Variants in PROB1 observed in about 807,000 individuals in gnomAD.
PROB1 encodes the protein proline rich basic protein 1, also known as proline-rich basic protein 1.
For synonymous variants in PROB1, 660 were observed against 699.3 expected, an observed-to-expected ratio of 0.94 and a Z score of 0.89; for missense variants, 1,453 against 1,485.7, an observed-to-expected ratio of 0.98 and a Z score of 0.36.
Position 139,393,698 on chromosome 5 carries a change from T to G in PROB1, c.1384A>C (p.Asn462His). The change falls in exon 1 of 1, where the codon AAT becomes CAT. Residue 462 changes from asparagine to histidine, a missense_variant. Asn to His is a moderately conservative substitution (Grantham distance 68). Coordinates refer to ENST00000434752, the MANE Select transcript of PROB1 (RefSeq NM_001161546.2). The part of the protein sequence containing the change: ...SPSPPILSQW[N>H]QCVAGERSPS... ...CTCCTTTCCCCAGCAACACACTGAT[T>G]CCACTGGGAAAGGATCGGAGGGGAA... 6.4e-7 allele frequency: 1 copy of G among 1,550,862 alleles called. No homozygotes were observed. Among genetic ancestry groups the G allele is most frequent in the Non-Finnish European group, 8.7e-7 (1 of 1,146,898 alleles).
rs1758610340 is a variant in PROB1, at chr5:139,392,276, C to T, written c.2806G>A (p.Gly936Arg). The change falls in exon 1 of 1, where the codon GGG (glycine) becomes AGG (arginine). Residue 936 changes from glycine (G) to arginine (R), a missense_variant. Transcript: ENST00000434752. The surrounding 1 kb of genome is among the most constrained non-coding windows in gnomAD (Gnocchi z 5.8). ...PHRVYTPLAL[G>R]LGLYPPAYGP... ...TAGGCGGGCGGGTAGAGGCCGAGCCCCAGGGCCAGAGGGGTGTAGACGCGG... is the reference window on the plus strand; with the variant it reads ...TAGGCGGGCGGGTAGAGGCCGAGCCTCAGGGCCAGAGGGGTGTAGACGCGG... The T allele has an allele frequency of 1.3e-6, 2 of 1,509,384 alleles. No homozygotes were observed. Among genetic ancestry groups the T allele is most frequent in the Middle Eastern group, 1.7e-4 (1 of 5,802 alleles). 93.5% of individuals were successfully genotyped at this position (1,509,384 alleles called of 1,614,324 possible). A position where few individuals can be genotyped will look rare whatever the true frequency, so the allele number is the denominator to read the frequency against.
chr5:139,392,351 C>T lies in PROB1; in HGVS notation c.2731G>A (p.Gly911Arg), dbSNP rs758805636. 1.9e-4 allele frequency: 288 copies of T among 1,532,730 alleles called. 1 individual carries two copies. The highest frequency in any genetic ancestry group is 2.5e-4 in the Non-Finnish European group (281 of 1,140,432). 94.9% of individuals were successfully genotyped at this position (1,532,730 alleles called of 1,614,324 possible). ...RLRVLFDPESGQYVEVLLPPS... is the reference protein window; with the variant it reads ...RLRVLFDPESRQYVEVLLPPS... The stretch of plus-strand genomic sequence containing the variant: ...GGCAGCAACACCTCCACGTACTGCC[C>T]ACTCTCAGGGTCGAAGAGCACCCGC... Residue 911 changes from glycine to arginine, a missense_variant, in exon 1 of 1, where the codon GGG becomes AGG. Gly to Arg is a moderately radical substitution (Grantham distance 125, BLOSUM62 -2). Coordinates refer to ENST00000434752, the MANE Select transcript of PROB1 (RefSeq NM_001161546.2). The surrounding 1 kb of genome is among the most constrained non-coding windows in gnomAD (Gnocchi z 5.8).
chr5:139,392,386 TGCCGCGGC>T lies in PROB1; in HGVS notation c.2688_2695del (p.Pro897AlafsTer10). 1 of 1,518,694 alleles carries T rather than the reference TGCCGCGGC, an allele frequency of 6.6e-7. No individual in the cohort carries two copies. Among genetic ancestry groups the T allele is most frequent in the Non-Finnish European group, 8.8e-7 (1 of 1,135,042 alleles). The allele number at this position is 1,518,694 out of a possible 1,614,324, so 94.1% of individuals were successfully genotyped here. A position where few individuals can be genotyped will look rare whatever the true frequency, so the allele number is the denominator to read the frequency against. ...GTCGAAGAGCACCCGCAGCCGAGGC[TGCCGCGGC>T]GCCTCCACAAAGTAGTAGCGGCCGC... On this transcript the variant is annotated frameshift_variant, in exon 1 of 1. Coordinates refer to ENST00000434752, the MANE Select transcript of PROB1 (RefSeq NM_001161546.2). LOFTEE classifies it low-confidence loss of function (END_TRUNC). The surrounding 1 kb of genome is among the most constrained non-coding windows in gnomAD (Gnocchi z 5.8).
Position 139,392,301 on chromosome 5 carries a change from G to T in PROB1, c.2781C>A (p.His927Gln), listed in dbSNP as rs1758611045. 1.6e-5 allele frequency: 24 copies of T among 1,533,794 alleles called. No homozygotes were observed. Among genetic ancestry groups the T allele is most frequent in the Middle Eastern group, 1.7e-4 (1 of 5,932 alleles). The change falls in exon 1 of 1, where the codon CAC (histidine) becomes CAA (glutamine). Residue 927 changes from histidine (H) to glutamine (Q), a missense_variant. Transcript: ENST00000434752. The surrounding 1 kb of genome is among the most constrained non-coding windows in gnomAD (Gnocchi z 5.8). Reference sequence around the variant, plus strand: ...CCAGGGCCAGAGGGGTGTAGACGCGGTGGGGCGGCCCGGGAGACGAGGGCG... The same window carrying T: ...CCAGGGCCAGAGGGGTGTAGACGCGTTGGGGCGGCCCGGGAGACGAGGGCG... The part of the protein sequence containing the change: ...LLPPSSPGPP[H>Q]RVYTPLALGL...
chr5:139,392,399 C>G lies in PROB1; in HGVS notation c.2683G>C (p.Glu895Gln). 8 of 1,518,182 alleles carry G rather than the reference C, an allele frequency of 5.3e-6. No homozygotes were observed. The highest frequency in any genetic ancestry group is 6.2e-6 in the Non-Finnish European group (7 of 1,135,008). The allele number at this position is 1,518,182 out of a possible 1,614,324, so 94.0% of individuals were successfully genotyped here. Residue 895 changes from glutamate (E) to glutamine (Q), a missense_variant, in exon 1 of 1, where the codon GAG (glutamate) becomes CAG (glutamine). Transcript: ENST00000434752. The surrounding 1 kb of genome is among the most constrained non-coding windows in gnomAD (Gnocchi z 5.8). ...CGCAGCCGAGGCTGCCGCGGCGCCTCCACAAAGTAGTAGCGGCCGCTCTCG... is the reference window on the plus strand; with the variant it reads ...CGCAGCCGAGGCTGCCGCGGCGCCTGCACAAAGTAGTAGCGGCCGCTCTCG... The part of the protein sequence containing the change: ...DPESGRYYFV[E>Q]APRQPRLRVL...
In PROB1 at chr5:139,393,544, G is replaced by A. The variant is rs1758637021; in HGVS notation, c.1538C>T (p.Thr513Ile). ...PWEAPDRPIG[T>I]WGPSPQETWD... Reference sequence around the variant, plus strand: ...TGTCTCTTGGGGAGATGGGCCCCAAGTTCCAATAGGACGATCTGGAGCCTC... The same window carrying A: ...TGTCTCTTGGGGAGATGGGCCCCAAATTCCAATAGGACGATCTGGAGCCTC... The change falls in exon 1 of 1, where the codon ACT becomes ATT. Residue 513 changes from threonine (T) to isoleucine (I), a missense_variant. Physicochemically the swap from Thr to Ile is moderately conservative, Grantham distance 89. Transcript: ENST00000434752. The A allele has an allele frequency of 3.2e-6, 5 of 1,551,186 alleles. No individual in the cohort carries two copies. The highest frequency in any genetic ancestry group is 4.4e-6 in the Non-Finnish European group (5 of 1,146,860).
chr5:139,394,221 G>A lies in PROB1; in HGVS notation c.861C>T (p.Ser287=), dbSNP rs1758651154. ...TAGCCTTCTCCAGGACCACGTGGGT[G>A]CTGCGGGCCGTTTCCCGGGTCTCAG... ...SEPETRETAR[S]THVVLEKAKS... Residue 287 remains serine, a synonymous_variant, in exon 1 of 1, where the codon AGC becomes AGT. Coordinates refer to ENST00000434752, the MANE Select transcript of PROB1 (RefSeq NM_001161546.2). 6.5e-7 allele frequency: 1 copy of A among 1,548,678 alleles called. No homozygotes were observed. Among genetic ancestry groups the A allele is most frequent in the Non-Finnish European group, 8.7e-7 (1 of 1,145,412 alleles).
At position 139,393,133 on chromosome 5, in the gene PROB1, G is replaced by T; in HGVS notation, c.1949C>A (p.Ala650Glu). 6.5e-7 allele frequency: 1 copy of T among 1,532,744 alleles called. No individual in the cohort carries two copies. The allele number at this position is 1,532,744 out of a possible 1,614,324, so 94.9% of individuals were successfully genotyped here. The change falls in exon 1 of 1, where the codon GCG (alanine) becomes GAG (glutamate). Residue 650 changes from alanine to glutamate, a missense_variant. By Grantham distance (107) the Ala-to-Glu change is moderately radical (BLOSUM62 -1). Transcript: ENST00000434752. ...CTCCCCGCAGGGGTCGGCAGGAGGC[G>T]CAGGCAGCCCAGAGCCTTGTGCTCC... is the stretch of plus-strand genomic sequence containing the variant. ...PAGAQGSGLP[A>E]PPADPCGEEG...
In PROB1 at chr5:139,391,814, T is replaced by G; in HGVS notation, c.*220A>C. On this transcript the variant is annotated 3_prime_UTR_variant, in exon 1 of 1. Coordinates refer to ENST00000434752, the MANE Select transcript of PROB1 (RefSeq NM_001161546.2). This position sits in a 1 kb window ranked among gnomAD's most constrained non-coding sequence, Gnocchi z 4.8. Reference sequence around the variant, plus strand: ...TGGGAATGCCTGGGAAAGGGATACATAATTTTGTTGGGGGAGGAAGTAGGC... The same window carrying G: ...TGGGAATGCCTGGGAAAGGGATACAGAATTTTGTTGGGGGAGGAAGTAGGC... 3 of 408,640 alleles carry G rather than the reference T, an allele frequency of 7.3e-6. No homozygotes were observed. The highest frequency in any genetic ancestry group is 1.3e-5 in the Non-Finnish European group (3 of 233,716). The allele number at this position is 408,640 out of a possible 1,614,324, so 25.3% of individuals were successfully genotyped here.
Position 139,394,202 on chromosome 5 carries a change from T to A in PROB1, c.880A>T (p.Lys294Ter). The change falls in exon 1 of 1, where the codon AAG becomes TAG. Residue 294 changes from lysine to a stop codon, truncating the protein, a stop_gained. Transcript: ENST00000434752. LOFTEE classifies it low-confidence loss of function (END_TRUNC). ...ACGCGAAGTGGCCGAGACTTAGCCT[T>A]CTCCAGGACCACGTGGGTGCTGCGG... is the stretch of plus-strand genomic sequence containing the variant. ...TARSTHVVLEKAKSRPLRVRD... is the reference protein window; with the variant it reads ...TARSTHVVLE 7 of 1,548,042 alleles carry A rather than the reference T, an allele frequency of 4.5e-6. No individual in the cohort carries two copies. The highest frequency in any genetic ancestry group is 5.2e-6 in the Non-Finnish European group (6 of 1,144,990).
rs1758624853 is a variant in PROB1, at chr5:139,393,043, G to A, written c.2039C>T (p.Thr680Ile). 1.3e-6 allele frequency: 2 copies of A among 1,530,284 alleles called. No homozygotes were observed. Among genetic ancestry groups the A allele is most frequent in the African/African-American group, 1.4e-5 (1 of 71,802 alleles). 94.8% of individuals were successfully genotyped at this position (1,530,284 alleles called of 1,614,324 possible). The change falls in exon 1 of 1, where the codon ACT (threonine) becomes ATT (isoleucine). Residue 680 changes from threonine (T) to isoleucine (I), a missense_variant. Thr to Ile is a moderately conservative substitution (Grantham distance 89). Coordinates refer to ENST00000434752, the MANE Select transcript of PROB1 (RefSeq NM_001161546.2). Reference sequence around the variant, plus strand: ...TAGAAAATCCTTGATGAAAACGGAAGTGTAGTGAGCCGGGGCGGGGGGCCC... The same window carrying A: ...TAGAAAATCCTTGATGAAAACGGAAATGTAGTGAGCCGGGGCGGGGGGCCC... ...ALGPPAPAHY[T>I]SVFIKDFLPV...
Position 139,394,417 on chromosome 5 carries a change from G to T in PROB1, c.665C>A (p.Ala222Glu), listed in dbSNP as rs748561015. 7.2e-7 allele frequency: 1 copy of T among 1,387,674 alleles called. No homozygotes were observed. Among genetic ancestry groups the T allele is most frequent in the Non-Finnish European group, 9.3e-7 (1 of 1,078,982 alleles). The allele number at this position is 1,387,674 out of a possible 1,614,324, so 86.0% of individuals were successfully genotyped here. ...CAGCCGGGGGCGCGGCGCGCCGGCCGCCCTTGGGGGACTCTGGGGCCGGGG... is the reference window on the plus strand; with the variant it reads ...CAGCCGGGGGCGCGGCGCGCCGGCCTCCCTTGGGGGACTCTGGGGCCGGGG... ...LRPRPQSPPR[A>E]AGAPRPRLLL... Residue 222 changes from alanine to glutamate, a missense_variant, in exon 1 of 1, where the codon GCG becomes GAG. Coordinates refer to ENST00000434752, the MANE Select transcript of PROB1 (RefSeq NM_001161546.2).
Position 139,391,303 on chromosome 5 carries a change from C to T in PROB1, c.*731G>A, listed in dbSNP as rs1758598506. ...TAGGGGGTGGGGGACTGAAGCCCCA[C>T]CCCTGGCCCAAAAATGAGTCAGCTC... is the stretch of plus-strand genomic sequence containing the variant. On this transcript the variant is annotated 3_prime_UTR_variant, in exon 1 of 1. Coordinates refer to ENST00000434752, the MANE Select transcript of PROB1 (RefSeq NM_001161546.2). This position sits in a 1 kb window ranked among gnomAD's most constrained non-coding sequence, Gnocchi z 4.8. 6.6e-6 allele frequency: 1 copy of T among 152,196 alleles called. No homozygotes were observed. 9.4% of individuals were successfully genotyped at this position (152,196 alleles called of 1,614,324 possible).
chr5:139,394,827 G>A lies in PROB1; in HGVS notation c.255C>T (p.Gly85=), dbSNP rs1446143350. The stretch of plus-strand genomic sequence containing the variant: ...AACCTGGGCCTCGCGGGAAACCCGA[G>A]CCGGGCCCGTGCCGCTGGCGGCTAT... ...AQNSRQRHGP[G]SGFPRGPGSG... Residue 85 remains glycine, a synonymous_variant, in exon 1 of 1, where the codon GGC becomes GGT. Transcript: ENST00000434752. 1 of 1,530,990 alleles carries A rather than the reference G, an allele frequency of 6.5e-7. No individual in the cohort carries two copies. Among genetic ancestry groups the A allele is most frequent in the Non-Finnish European group, 8.8e-7 (1 of 1,139,040 alleles). 94.8% of individuals were successfully genotyped at this position (1,530,990 alleles called of 1,614,324 possible). A position where few individuals can be genotyped will look rare whatever the true frequency, so the allele number is the denominator to read the frequency against.
Position 139,393,565 on chromosome 5 carries a change from G to A in PROB1, c.1517C>T (p.Ala506Val), listed in dbSNP as rs151107743. 6.2e-4 allele frequency: 962 copies of A among 1,551,168 alleles called. 11 individuals are homozygous for A. In the African/African-American group the frequency reaches 0.012, roughly 19 times the overall value. The stretch of plus-strand genomic sequence containing the variant: ...CCAAGTTCCAATAGGACGATCTGGA[G>A]CCTCCCACGGGAAGAAGGCCGGCGG... Reference protein sequence around the residue: ...PSPPAFFPWEAPDRPIGTWGP... With the variant: ...PSPPAFFPWEVPDRPIGTWGP... Residue 506 changes from alanine (A) to valine (V), a missense_variant, in exon 1 of 1, where the codon GCT becomes GTT. Ala to Val is a moderately conservative substitution (Grantham distance 64, BLOSUM62 0). Coordinates refer to ENST00000434752, the MANE Select transcript of PROB1 (RefSeq NM_001161546.2).
In PROB1 at chr5:139,394,834, C is replaced by T. The variant is rs1758667603; in HGVS notation, c.248G>A (p.Gly83Glu). The T allele has an allele frequency of 6.5e-7, 1 of 1,531,680 alleles. No individual in the cohort carries two copies. The highest frequency in any genetic ancestry group is 2.0e-5 in the Admixed American group (1 of 49,266). 94.9% of individuals were successfully genotyped at this position (1,531,680 alleles called of 1,614,324 possible). Residue 83 changes from glycine to glutamate, a missense_variant, in exon 1 of 1, where the codon GGG (glycine) becomes GAG (glutamate). Physicochemically the swap from Gly to Glu is moderately conservative, Grantham distance 98. Transcript: ENST00000434752. ...VSAQNSRQRH[G>E]PGSGFPRGPG... ...GCCTCGCGGGAAACCCGAGCCGGGC[C>T]CGTGCCGCTGGCGGCTATTCTGGGC... is the stretch of plus-strand genomic sequence containing the variant.
chr5:139,392,398 T>A lies in PROB1; in HGVS notation c.2684A>T (p.Glu895Val). 1 of 1,513,630 alleles carries A rather than the reference T, an allele frequency of 6.6e-7. No homozygotes were observed. Among genetic ancestry groups the A allele is most frequent in the Non-Finnish European group, 8.8e-7 (1 of 1,132,756 alleles). 93.8% of individuals were successfully genotyped at this position (1,513,630 alleles called of 1,614,324 possible). A position where few individuals can be genotyped will look rare whatever the true frequency, so the allele number is the denominator to read the frequency against. ...DPESGRYYFVEAPRQPRLRVL... is the reference protein window; with the variant it reads ...DPESGRYYFVVAPRQPRLRVL... ...CCGCAGCCGAGGCTGCCGCGGCGCCTCCACAAAGTAGTAGCGGCCGCTCTC... is the reference window on the plus strand; with the variant it reads ...CCGCAGCCGAGGCTGCCGCGGCGCCACCACAAAGTAGTAGCGGCCGCTCTC... Residue 895 changes from glutamate (E) to valine (V), a missense_variant, in exon 1 of 1, where the codon GAG (glutamate) becomes GTG (valine). Coordinates refer to ENST00000434752, the MANE Select transcript of PROB1 (RefSeq NM_001161546.2). The surrounding 1 kb of genome is among the most constrained non-coding windows in gnomAD (Gnocchi z 5.8).
Position 139,393,389 on chromosome 5 carries a change from G to GAA in PROB1, c.1692_1693insTT (p.Pro565PhefsTer21). On this transcript the variant is annotated frameshift_variant, in exon 1 of 1. Coordinates refer to ENST00000434752, the MANE Select transcript of PROB1 (RefSeq NM_001161546.2). LOFTEE classifies it low-confidence loss of function (END_TRUNC). ...AGATCTGAAATTTCCCGCGTGGATGGACTCTGCATCTCTGTTGGTTCTGGA... is the reference window on the plus strand; with the variant it reads ...AGATCTGAAATTTCCCGCGTGGATGGAAACTCTGCATCTCTGTTGGTTCTGGA... 1 of 1,551,662 alleles carries GAA rather than the reference G, an allele frequency of 6.4e-7. No homozygotes were observed.
Position 139,393,198 on chromosome 5 carries a change from G to A in PROB1, c.1884C>T (p.Arg628=), listed in dbSNP as rs1225758894. The change falls in exon 1 of 1, where the codon CGC becomes CGT. Residue 628 remains arginine, a synonymous_variant. Coordinates refer to ENST00000434752, the MANE Select transcript of PROB1 (RefSeq NM_001161546.2). ...GCGCGTACGTGGTCTTCACCAACTTGCGCACGTCTCGAGGCCGCGGAATGG... is the reference window on the plus strand; with the variant it reads ...GCGCGTACGTGGTCTTCACCAACTTACGCACGTCTCGAGGCCGCGGAATGG... ...RMAIPRPRDV[R]KLVKTTYAPG... The A allele has an allele frequency of 3.2e-6, 5 of 1,549,566 alleles. No homozygotes were observed. The highest frequency in any genetic ancestry group is 2.0e-5 in the Admixed American group (1 of 51,004).
Sources: gnomAD v4.1 joint callset for allele counts on GRCh38, gnomAD v4.1.1 for gene constraint, Gnocchi (gnomAD v3.1) non-coding constraint, MANE v1.5 for transcripts, NCBI Gene and HGNC (gene_info 2026-07-23, HGNC 2026-07-21) for gene names.